Variants in VEZF1 observed in about 807,000 individuals in gnomAD.
VEZF1 encodes vascular endothelial zinc finger 1.
VEZF1 carries 5 observed loss-of-function variants against 44.1 expected under a neutral mutation model. That is an observed-to-expected ratio of 0.11 (90% CI 0.06 to 0.24). The LOEUF is 0.24. Ranked by LOEUF, VEZF1 falls within the 10% of genes least tolerant of loss-of-function variation. The pLI, the probability that VEZF1 is intolerant of heterozygous loss-of-function variation, is 1.00. For synonymous variants in VEZF1, 236 were observed against 233.1 expected, an observed-to-expected ratio of 1.01 and a Z score of -0.11; for missense variants, 358 against 641.8, an observed-to-expected ratio of 0.56 and a Z score of 4.78.
At chr17:57,980,855 AT>A (rs753493237) in intron 3 of VEZF1, 69 bp from the exon 4 acceptor site, 140 of 1,489,860 alleles carry the variant, frequency 9.4e-5, no homozygotes, top group Non-Finnish European at 1.3e-4. Flanking sequence ...AGTACGTTAT[AT>A]TCTGTGCATT....
At chr17:57,985,941 A>C (rs1288723479) in intron 1 of VEZF1, 3 of 152,242 alleles carry the variant, frequency 2.0e-5, no homozygotes, top group Non-Finnish European at 4.4e-5. Context: ...CCATATCCCC[A>C]GTGAAAATTA....
Position 57,974,815 on chromosome 17 carries a change from C to G in VEZF1, c.1224G>C (p.Ser408=). The G allele has an allele frequency of 6.2e-7, 1 of 1,614,070 alleles. No individual in the cohort carries two copies. Among genetic ancestry groups the G allele is most frequent in the Non-Finnish European group, 8.5e-7 (1 of 1,180,028 alleles). ...TGACTGGGTTTGACATAGTCCCAGA[C>G]GACACAGAGGATGTTATACTGAATG... ...TTPFSITSSV[S]SGTMSNPVTV... The change falls in exon 6 of 6, where the codon TCG becomes TCC. Residue 408 remains serine (S), a synonymous_variant. Coordinates refer to ENST00000581208, the MANE Select transcript of VEZF1 (RefSeq NM_007146.3).
At position 57,988,159 on chromosome 17, in the gene VEZF1, GC is replaced by G; in HGVS notation, c.-49del. 3.4e-6 allele frequency: 2 copies of G among 580,392 alleles called. No homozygotes were observed. The highest frequency in any genetic ancestry group is 4.7e-6 in the Non-Finnish European group (2 of 424,142). 36.0% of individuals were successfully genotyped at this position (580,392 alleles called of 1,614,324 possible). Reference sequence around the variant, plus strand: ...CCTCCCCACTCCCCCCGCTCGGGGAGCCTCCTCAGCCGGAGGAGGCGACAAC... The same window carrying G: ...CCTCCCCACTCCCCCCGCTCGGGGAGCTCCTCAGCCGGAGGAGGCGACAAC... On this transcript the variant is annotated 5_prime_UTR_variant, in exon 1 of 6. Transcript: ENST00000581208.
At chr17:57,987,898 G>A (rs1279973228) in intron 1 of VEZF1, among the ~76,000 whole-genome samples, 181 bp downstream of exon 1, 1 of 151,928 alleles carries the variant, frequency 6.6e-6, no homozygotes, top group East Asian at 2.0e-4. Flanking sequence ...CCGTGAGGCC[G>A]CCTCCTTTCA....
intron 5 of VEZF1, among the ~76,000 whole-genome samples, chr17:57,976,897 A>G (rs1192757851): frequency 6.6e-6 from 1 of 152,012 alleles, no homozygotes; most frequent in Non-Finnish European, 1.5e-5. Context: ...GCTTTCACCA[A>G]AGAATTTTTA....
In VEZF1 at chr17:57,972,344, G is replaced by C. The variant is rs2075144762; in HGVS notation, c.*2129C>G. The C allele has an allele frequency of 6.6e-6, 1 of 152,206 alleles. No individual in the cohort carries two copies. Among genetic ancestry groups the C allele is most frequent in the Non-Finnish European group, 1.5e-5 (1 of 68,038 alleles). The allele number at this position is 152,206 out of a possible 1,614,324, so 9.4% of individuals were successfully genotyped here. A position where few individuals can be genotyped will look rare whatever the true frequency, so the allele number is the denominator to read the frequency against. ...GACTGCCAGCCCACCAGAGATAACA[G>C]ATCCCAGCAGGCAGAGCCAGAACCC... On this transcript the variant is annotated 3_prime_UTR_variant, in exon 6 of 6. Coordinates refer to ENST00000581208, the MANE Select transcript of VEZF1 (RefSeq NM_007146.3).
At chr17:57,980,962 ACT>A (rs1202078156) in intron 3 of VEZF1, among the ~76,000 whole-genome samples, 176 bp from the exon 4 acceptor site, 1 of 152,166 alleles carries the variant, frequency 6.6e-6, no homozygotes, top group African/African-American at 2.4e-5. Flanking sequence ...TAAATTTTAG[ACT>A]CTTCCATTTT....
Position 57,988,084 on chromosome 17 carries a change from A to G in VEZF1, c.28T>C (p.Phe10Leu). Reference sequence around the variant, plus strand: ...CCCGGGGGGGCCCCCAGTACCTGGAACAGGAACGCGGTCCAGTTGGCCTCC... The same window carrying G: ...CCCGGGGGGGCCCCCAGTACCTGGAGCAGGAACGCGGTCCAGTTGGCCTCC... MEANWTAFL[F>L]QAHEASHHQQ... The change falls in exon 1 of 6, where the codon TTC becomes CTC. Residue 10 changes from phenylalanine to leucine, a missense_variant. By Grantham distance (22) the Phe-to-Leu change is conservative. This residue lies in a region of VEZF1 where 22 missense variants were observed against 17.3 expected (regional missense o/e 1.27). Coordinates refer to ENST00000581208, the MANE Select transcript of VEZF1 (RefSeq NM_007146.3). The G allele has an allele frequency of 1.5e-6, 1 of 652,386 alleles. No individual in the cohort carries two copies. Among genetic ancestry groups the G allele is most frequent in the Non-Finnish European group, 2.0e-6 (1 of 491,856 alleles). 40.4% of individuals were successfully genotyped at this position (652,386 alleles called of 1,614,324 possible). A position where few individuals can be genotyped will look rare whatever the true frequency, so the allele number is the denominator to read the frequency against.
chr17:57,973,529 C>T lies in VEZF1; in HGVS notation c.*944G>A, dbSNP rs2075158542. On this transcript the variant is annotated 3_prime_UTR_variant, in exon 6 of 6. Transcript: ENST00000581208. Reference sequence around the variant, plus strand: ...GTCCCTGTTGTAATATCAACAGGCTCTGATTGGGAGAGAGAGGGGCATATC... The same window carrying T: ...GTCCCTGTTGTAATATCAACAGGCTTTGATTGGGAGAGAGAGGGGCATATC... The T allele has an allele frequency of 6.6e-6, 1 of 152,568 alleles. No homozygotes were observed. Among genetic ancestry groups the T allele is most frequent in the South Asian group, 2.1e-4 (1 of 4,828 alleles). The allele number at this position is 152,568 out of a possible 1,614,324, so 9.5% of individuals were successfully genotyped here.
At position 57,983,514 on chromosome 17, in the gene VEZF1, T is replaced by C. The variant is rs534985863; in HGVS notation, c.34-121A>G. On this transcript the variant is annotated intron_variant, in intron 1 of 5. Coordinates refer to ENST00000581208, the MANE Select transcript of VEZF1 (RefSeq NM_007146.3). ...AAAGAACCTATAAGCTACTCTGCAGTGGTAATCCAGCAACCACCTAGTTAC... is the reference window on the plus strand; with the variant it reads ...AAAGAACCTATAAGCTACTCTGCAGCGGTAATCCAGCAACCACCTAGTTAC... The C allele has an allele frequency of 4.3e-5, 36 of 845,862 alleles. No homozygotes were observed. The African/African-American group carries it at 5.9e-4, about 14-fold the overall frequency. The allele number at this position is 845,862 out of a possible 1,614,324, so 52.4% of individuals were successfully genotyped here. A position where few individuals can be genotyped will look rare whatever the true frequency, so the allele number is the denominator to read the frequency against.
rs1218658863 is a variant in VEZF1 at position 57,986,164 on chromosome 17, A to AT, written c.33+1914dup. 5 of 152,358 alleles carry AT rather than the reference A, an allele frequency of 3.3e-5. No individual in the cohort carries two copies. In the South Asian group the frequency reaches 6.2e-4, roughly 19 times the overall value. The allele number at this position is 152,358 out of a possible 1,614,324, so 9.4% of individuals were successfully genotyped here. Reference sequence around the variant, plus strand: ...TAATAGCTGAAAAAAATTAAATAATATAAAATCTAATTAAAAAGTTGATCA... The same window carrying AT: ...TAATAGCTGAAAAAAATTAAATAATATTAAAATCTAATTAAAAAGTTGATCA... On this transcript the variant is annotated intron_variant, in intron 1 of 5. Transcript: ENST00000581208.
At chr17:57,981,679 A>G (rs2075250972) in intron 3 of VEZF1, among the ~76,000 whole-genome samples, 194 bp downstream of exon 3, 1 of 152,252 alleles carries the variant, frequency 6.6e-6, no homozygotes, top group African/African-American at 2.4e-5. Flanking sequence ...AACACGCTTA[A>G]ATTTTTAAAT....
chr17:57,985,065 G>A (rs1406441233), intron 1 of VEZF1, among the ~76,000 whole-genome samples: 1 of 152,170 alleles, frequency 6.6e-6, no homozygotes, highest in Non-Finnish European at 1.5e-5. Flanking sequence ...CTGGCTGTAG[G>A]ATACTCGTTT....
intron 3 of VEZF1, among the ~76,000 whole-genome samples, chr17:57,981,239 A>G (rs997431356): frequency 1.3e-5 from 2 of 152,248 alleles, no homozygotes; most frequent in Non-Finnish European, 2.9e-5. Context: ...CTTTCTTAGC[A>G]TTCAAATCAT....
intron 1 of VEZF1, among the ~76,000 whole-genome samples, chr17:57,983,976 TA>T (rs2075273864): frequency 6.6e-6 from 1 of 152,222 alleles, no homozygotes; most frequent in Non-Finnish European, 1.5e-5. Flanking sequence ...TTGACTCTAC[TA>T]AAAGGTTTGG....
Position 57,985,427 on chromosome 17 carries a change from A to T in VEZF1, c.34-2034T>A. The T allele has an allele frequency of 2.5e-6, 3 of 1,224,028 alleles. No homozygotes were observed. The South Asian group carries it at 1.3e-4, about 52-fold the overall frequency. The allele number at this position is 1,224,028 out of a possible 1,614,324, so 75.8% of individuals were successfully genotyped here. A position where few individuals can be genotyped will look rare whatever the true frequency, so the allele number is the denominator to read the frequency against. On this transcript the variant is annotated intron_variant, in intron 1 of 5. Coordinates refer to ENST00000581208, the MANE Select transcript of VEZF1 (RefSeq NM_007146.3). ...CTAGGATCCCCACACTTCTACAAGA[A>T]GCCTTCTAAGGGGGAACTGGGTTTT...
intron 1 of VEZF1, chr17:57,985,282 G>A (rs1448773797): frequency 3.5e-5 from 43 of 1,231,532 alleles, no homozygotes; most frequent in East Asian, 9.5e-5. Flanking sequence ...GATGTCTGTG[G>A]CAACATAAAG....
In VEZF1 at chr17:57,988,188, A is replaced by AGCGGCGGCGGCGGCG. The variant is rs935693670; in HGVS notation, c.-92_-78dup. On this transcript the variant is annotated 5_prime_UTR_variant, in exon 1 of 6. Coordinates refer to ENST00000581208, the MANE Select transcript of VEZF1 (RefSeq NM_007146.3). ...CCTCAGCCGGAGGAGGCGACAACAA[A>AGCGGCGGCGGCGGCG]GCGGCGGCGGCGGCGGCGGCAACGG... The AGCGGCGGCGGCGGCG allele has an allele frequency of 3.1e-6, 1 of 324,180 alleles. No homozygotes were observed. The highest frequency in any genetic ancestry group is 5.0e-6 in the Non-Finnish European group (1 of 199,742). The allele number at this position is 324,180 out of a possible 1,614,324, so 20.1% of individuals were successfully genotyped here.
At chr17:57,986,233 T>TA (rs1039178333) in intron 1 of VEZF1, 24 of 152,194 alleles carry the variant, frequency 1.6e-4, no homozygotes, top group Non-Finnish European at 2.9e-4. Context: ...AAATAATCTT[T>TA]AAAAAAGTAT....
Sources: allele counts gnomAD v4.1 joint callset (sites outside exome capture counted in the v4.1 genomes callset), GRCh38; gene constraint gnomAD v4.1.1; regional missense constraint gnomAD v4.1.1; transcripts MANE v1.5; gene names NCBI Gene and HGNC (gene_info 2026-07-23, HGNC 2026-07-21).